Variants in ROBO1 observed in about 807,000 individuals in gnomAD.
The protein encoded by ROBO1 is roundabout guidance receptor 1.
In ROBO1, 149 loss-of-function variants were observed where a neutral mutation model predicts 195.9. The ratio of observed to expected loss-of-function variants is 0.76; its 90% confidence interval spans 0.67 to 0.87. The LOEUF is 0.87. ROBO1 is among the 40% of genes least tolerant of loss of function. The probability of loss-of-function intolerance (pLI) is 0.00; values close to 1 mark genes in which losing one functional copy is unlikely to be tolerated. For missense variants in ROBO1, 1,933 were observed against 2,068.3 expected (o/e 0.93, Z 1.27); for synonymous variants, 816 against 733.2 (o/e 1.11, Z -1.82).
At position 78,964,709 on chromosome 3, in the gene ROBO1, A is replaced by G. The variant is rs191362963; in HGVS notation, c.173-25782T>C. The stretch of plus-strand genomic sequence containing the variant: ...TGAAAGAACAGAGGTCATAAAAATG[A>G]ATAAGAAATGAAAATTACGAAGAAA... On this transcript the variant is annotated intron_variant, in intron 3 of 30. Transcript: ENST00000464233. Among the ~76,000 whole-genome samples the G allele has an allele frequency of 1.1e-3, 171 of 152,296 alleles. 4 individuals are homozygous for G. The highest frequency in any genetic ancestry group is 3.1e-3 in the Admixed American group (48 of 15,296).
intron 4 of ROBO1, among the ~76,000 whole-genome samples, chr3:78,915,174 A>G (rs1353673975): frequency 6.6e-6 from 1 of 152,166 alleles, no homozygotes; most frequent in African/African-American, 2.4e-5. Flanking sequence ...CTGGAAACAC[A>G]ATGCTCAAAT....
intron 4 of ROBO1, among the ~76,000 whole-genome samples, chr3:78,834,839 C>A (rs1205569686): frequency 1.3e-5 from 2 of 152,040 alleles, no homozygotes; most frequent in Non-Finnish European, 2.9e-5. Flanking sequence ...CATAATACTA[C>A]AATCGTGTTG....
At chr3:79,550,012 C>T (rs546900700) in intron 2 of ROBO1, among the ~76,000 whole-genome samples, 103 of 151,780 alleles carry the variant, frequency 6.8e-4, no homozygotes, top group Non-Finnish European at 1.3e-3. Flanking sequence ...GTAGTCCTAG[C>T]TACTCAGGAG....
At chr3:78,645,644 A>T (rs2107591100) in intron 21 of ROBO1, among the ~76,000 whole-genome samples, 1 of 152,224 alleles carries the variant, frequency 6.6e-6, no homozygotes, top group Admixed American at 6.6e-5. Flanking sequence ...GAGGGAAAAC[A>T]TTCTTTGTTA....
At chr3:79,262,556 T>C (rs542674402) in intron 2 of ROBO1, among the ~76,000 whole-genome samples, 2 of 151,676 alleles carry the variant, frequency 1.3e-5, no homozygotes, top group Admixed American at 1.3e-4. Flanking sequence ...AGGCAAGAAA[T>C]AAAGGAAGTA....
At chr3:79,138,540 A>G (rs2080460944) in intron 2 of ROBO1, among the ~76,000 whole-genome samples, 1 of 152,026 alleles carries the variant, frequency 6.6e-6, no homozygotes, top group East Asian at 1.9e-4. Context: ...ATAGAATAAC[A>G]TATTACTTCC....
intron 3 of ROBO1, among the ~76,000 whole-genome samples, chr3:79,064,393 T>C (rs1167283823): frequency 6.6e-6 from 1 of 151,976 alleles, no homozygotes; most frequent in Non-Finnish European, 1.5e-5. Context: ...TTCCAGCTCA[T>C]CTTCCTGACT....
At chr3:79,317,671 C>T (rs1242608796) in intron 2 of ROBO1, among the ~76,000 whole-genome samples, 2 of 152,052 alleles carry the variant, frequency 1.3e-5, no homozygotes, top group African/African-American at 4.8e-5. Context: ...AATCAACATC[C>T]CATCCTTCCT....
chr3:79,494,199 G>A (rs890239958), intron 2 of ROBO1, among the ~76,000 whole-genome samples: 1 of 151,824 alleles, frequency 6.6e-6, no homozygotes, highest in Non-Finnish European at 1.5e-5. Flanking sequence ...CAGCAAAAAA[G>A]GTGAATTCAT....
At chr3:79,722,222 G>T (rs1702737380) in intron 1 of ROBO1, among the ~76,000 whole-genome samples, 1 of 152,092 alleles carries the variant, frequency 6.6e-6, no homozygotes, top group Non-Finnish European at 1.5e-5. Flanking sequence ...TACATCTAAT[G>T]GTATGTACTG....
intron 3 of ROBO1, among the ~76,000 whole-genome samples, chr3:79,055,880 G>A (rs1425574700): frequency 6.6e-6 from 1 of 151,936 alleles, no homozygotes; most frequent in Non-Finnish European, 1.5e-5. Flanking sequence ...CACTCTCTAA[G>A]GAAAAACTGG....
At chr3:78,652,398 T>G (rs567989355) in intron 18 of ROBO1, among the ~76,000 whole-genome samples, 23 of 152,188 alleles carry the variant, frequency 1.5e-4, no homozygotes, top group African/African-American at 5.5e-4. Flanking sequence ...AATAGTATGT[T>G]CTAAAAAAAA....
intron 3 of ROBO1, among the ~76,000 whole-genome samples, chr3:78,993,531 A>G (rs1302645835): frequency 6.6e-6 from 1 of 152,160 alleles, no homozygotes; most frequent in South Asian, 2.1e-4. Flanking sequence ...ATCAGTTCTT[A>G]GACTTATTAG....
At chr3:79,594,974 T>C (rs748431035) in intron 1 of ROBO1, among the ~76,000 whole-genome samples, 4 of 151,988 alleles carry the variant, frequency 2.6e-5, no homozygotes, top group Non-Finnish European at 5.9e-5. Context: ...TATAAGATAA[T>C]CTCATTTTAA....
rs115544955 is a variant in ROBO1, at chr3:79,543,296, G to A, written c.88+46528C>T. ...CAGATTCGCTTTTTTCAAAGCTCTC[G>A]GTTTGGTCTTAGAAACTGACATTTT... On this transcript the variant is annotated intron_variant, in intron 2 of 30. Coordinates refer to ENST00000464233, the MANE Select transcript of ROBO1 (RefSeq NM_002941.4). 1.4e-3 allele frequency among the ~76,000 whole-genome samples: 219 copies of A among 152,118 alleles called. 1 individual carries two copies. Among genetic ancestry groups the A allele is most frequent in the Middle Eastern group, 6.8e-3 (2 of 294 alleles).
intron 5 of ROBO1, among the ~76,000 whole-genome samples, chr3:78,745,435 A>G (rs2108276328): frequency 6.6e-6 from 1 of 152,314 alleles, no homozygotes; most frequent in East Asian, 1.9e-4. Context: ...AGGAAGGGAA[A>G]GAGGAATTAT....
At chr3:79,325,615 C>T (rs1425629565) in intron 2 of ROBO1, among the ~76,000 whole-genome samples, 3 of 152,136 alleles carry the variant, frequency 2.0e-5, no homozygotes, top group African/African-American at 7.2e-5. Flanking sequence ...TATTCATTCC[C>T]CAAATTAATA....
At chr3:79,316,729 G>T (rs1389606634) in intron 2 of ROBO1, among the ~76,000 whole-genome samples, 1 of 151,846 alleles carries the variant, frequency 6.6e-6, no homozygotes, top group Non-Finnish European at 1.5e-5. Flanking sequence ...CCCAGCTGGG[G>T]TTATTAAGTA....
At chr3:79,261,167 AT>A (rs1015579103) in intron 2 of ROBO1, among the ~76,000 whole-genome samples, 2 of 151,870 alleles carry the variant, frequency 1.3e-5, no homozygotes, top group Non-Finnish European at 2.9e-5. Flanking sequence ...GGAACATAGT[AT>A]TTTTTTTGTA....
Sources: allele counts gnomAD v4.1 joint callset (sites outside exome capture counted in the v4.1 genomes callset), GRCh38; gene constraint gnomAD v4.1.1; transcripts MANE v1.5; gene names NCBI Gene and HGNC (gene_info 2026-07-23, HGNC 2026-07-21).